Variants in ZNF536 observed in about 807,000 individuals in gnomAD.
ZNF536 encodes zinc finger protein 536.
In ZNF536, 13 loss-of-function variants were observed where a neutral mutation model predicts 84.5. The ratio of observed to expected loss-of-function variants is 0.15; its 90% CI spans 0.10 to 0.24. The LOEUF (loss-of-function observed/expected upper bound fraction) is 0.24. Among genes scored for constraint, ZNF536 ranks in the 10% least tolerant of loss-of-function variants. The probability of loss-of-function intolerance (pLI) is 1.00; values close to 1 mark genes in which losing one functional copy is unlikely to be tolerated. For synonymous variants in ZNF536, 811 were observed against 742.5 expected, an observed-to-expected ratio of 1.09 and a Z score of -1.50; for missense variants, 1,536 against 1,747.5, an observed-to-expected ratio of 0.88 and a Z score of 2.16.
At chr19:30,543,502 G>T (rs2045418632) in intron 3 of ZNF536, among the ~76,000 whole-genome samples, 1 of 152,216 alleles carries the variant, frequency 6.6e-6, no homozygotes. Context: ...GGCAGGGCTA[G>T]GCAGGCCCAA....
At chr19:30,616,106 G>A (rs78693664) in intron 1 of ZNF536, among the ~76,000 whole-genome samples, 1,991 of 152,084 alleles carry the variant, frequency 0.013, 38 homozygotes, top group African/African-American at 0.045. Flanking sequence ...ATTCTGGTAT[G>A]GAGTCATATC....
intron 2 of ZNF536, among the ~76,000 whole-genome samples, chr19:30,337,527 G>C (rs1188293272): frequency 6.6e-6 from 1 of 152,116 alleles, no homozygotes; most frequent in Non-Finnish European, 1.5e-5. Flanking sequence ...TACTTTCCTG[G>C]GCACCACAAA....
intron 1 of ZNF536, among the ~76,000 whole-genome samples, chr19:30,667,211 A>T (rs1465247639): frequency 6.6e-6 from 1 of 152,186 alleles, no homozygotes; most frequent in African/African-American, 2.4e-5. Context: ...TACTGTCTCC[A>T]TCTGAATTCA....
chr19:30,481,414 G>A (rs753513121), intron 2 of ZNF536, among the ~76,000 whole-genome samples: 4 of 152,226 alleles, frequency 2.6e-5, no homozygotes, highest in Non-Finnish European at 2.9e-5. Context: ...ATTATGACAC[G>A]TTTGAGAGCA....
intron 1 of ZNF536, among the ~76,000 whole-genome samples, chr19:30,230,180 A>C (rs2022926682): frequency 1.3e-5 from 2 of 152,292 alleles, no homozygotes; most frequent in Non-Finnish European, 1.5e-5. Flanking sequence ...CAATGATTTA[A>C]GATTTCTTTT....
chr19:30,586,855 A>C (rs1284835416), intron 1 of ZNF536, among the ~76,000 whole-genome samples: 2 of 152,266 alleles, frequency 1.3e-5, no homozygotes, highest in African/African-American at 4.8e-5. Context: ...AATCAGTTGC[A>C]TTCTAACTCT....
At chr19:30,498,905 C>T (rs2054832757) in intron 2 of ZNF536, among the ~76,000 whole-genome samples, 2 of 152,138 alleles carry the variant, frequency 1.3e-5, no homozygotes, top group African/African-American at 2.4e-5. Context: ...GCCGAGGAGC[C>T]GTTCCAGCCC....
At chr19:30,261,697 CAAAA>C (rs56820609) in intron 1 of ZNF536, among the ~76,000 whole-genome samples, 61 of 99,876 alleles carry the variant, frequency 6.1e-4, no homozygotes, top group African/African-American at 1.0e-3. Context: ...GGACCTTGTC[CAAAA>C]AAAAAAAAAA....
intron 1 of ZNF536, among the ~76,000 whole-genome samples, chr19:30,670,829 C>T (rs2050522187): frequency 6.6e-6 from 1 of 152,230 alleles, no homozygotes; most frequent in African/African-American, 2.4e-5. Flanking sequence ...TCTGCTGTAT[C>T]CCTGCCAGGC....
chr19:30,436,939 G>T (rs78498621), intron 1 of ZNF536, among the ~76,000 whole-genome samples: 1 of 152,142 alleles, frequency 6.6e-6, no homozygotes, highest in East Asian at 1.9e-4. Context: ...CTCCTACAAG[G>T]CTTCCGAGGT....
chr19:30,464,764 G>A (rs759276902), intron 2 of ZNF536, among the ~76,000 whole-genome samples: 3 of 152,036 alleles, frequency 2.0e-5, no homozygotes, highest in Non-Finnish European at 4.4e-5. Context: ...AGGAGAAAGG[G>A]CAGAACATGA....
At chr19:30,264,748 T>C (rs1031459170) in intron 1 of ZNF536, among the ~76,000 whole-genome samples, 1 of 152,202 alleles carries the variant, frequency 6.6e-6, no homozygotes, top group Non-Finnish European at 1.5e-5. Context: ...CCGGCAGCAG[T>C]GCAGCTGAGG....
intron 2 of ZNF536, among the ~76,000 whole-genome samples, chr19:30,522,051 G>T (rs928485868): frequency 5.9e-5 from 9 of 151,482 alleles, no homozygotes; most frequent in Admixed American, 3.3e-4. Context: ...GGACCGGGAG[G>T]GCCATTCGCA....
intron 2 of ZNF536, among the ~76,000 whole-genome samples, chr19:30,348,995 A>T (rs1200223253): frequency 1.3e-5 from 2 of 152,128 alleles, no homozygotes; most frequent in Non-Finnish European, 2.9e-5. Context: ...AAGCCAGGCT[A>T]AGAATGACAC....
intron 1 of ZNF536, among the ~76,000 whole-genome samples, chr19:30,253,983 T>A (rs1330871182): frequency 6.6e-6 from 1 of 151,948 alleles, no homozygotes; most frequent in African/African-American, 2.4e-5. Context: ...GAAAAAAAAA[T>A]TAAAATCAGT....
chr19:30,597,389 C>T (rs2047504744), intron 1 of ZNF536, among the ~76,000 whole-genome samples: 1 of 152,226 alleles, frequency 6.6e-6, no homozygotes, highest in Non-Finnish European at 1.5e-5. Flanking sequence ...CTCTAGAAAA[C>T]ACGGCCAATA....
At chr19:30,238,488 C>G (rs1425419918) in intron 1 of ZNF536, among the ~76,000 whole-genome samples, 1 of 152,052 alleles carries the variant, frequency 6.6e-6, no homozygotes, top group Admixed American at 6.6e-5. Context: ...TACATGCACA[C>G]AAGTGTACTG....
At chr19:30,308,343 T>G (rs558527096) in intron 2 of ZNF536, among the ~76,000 whole-genome samples, 5 of 152,328 alleles carry the variant, frequency 3.3e-5, no homozygotes, top group Admixed American at 2.6e-4. Flanking sequence ...CCATGTAATC[T>G]TGTGAACATT....
At chr19:30,352,986 T>C (rs2047981102) in intron 3 of ZNF536, among the ~76,000 whole-genome samples, 1 of 152,242 alleles carries the variant, frequency 6.6e-6, no homozygotes, top group Non-Finnish European at 1.5e-5. Context: ...TAAATTATTC[T>C]GCACCATGAT....
Sources: allele counts gnomAD v4.1 joint callset (sites outside exome capture counted in the v4.1 genomes callset), GRCh38; gene constraint gnomAD v4.1.1; transcripts MANE v1.5; gene names NCBI Gene and HGNC (gene_info 2026-07-23, HGNC 2026-07-21).